DLG2: variants seen among roughly 807,000 people sequenced by gnomAD.
The protein encoded by DLG2 is disks large homolog 2.
Under a neutral mutation model 132.5 loss-of-function variants are expected in DLG2, and 45 were observed. That is an observed-to-expected ratio of 0.34 (90% CI 0.27 to 0.44). The LOEUF (loss-of-function observed/expected upper bound fraction) is 0.44. DLG2 is among the 20% of genes least tolerant of loss of function. DLG2 has a pLI of 1.00. For missense variants in DLG2, 1,045 were observed against 1,196.9 expected, an observed-to-expected ratio of 0.87 and a Z score of 1.87; for synonymous variants, 424 against 419.6, an observed-to-expected ratio of 1.01 and a Z score of -0.13.
chr11:85,084,485 A>G (rs1362620307), intron 6 of DLG2, among the ~76,000 whole-genome samples: 1 of 152,198 alleles, frequency 6.6e-6, no homozygotes, highest in Non-Finnish European at 1.5e-5. Flanking sequence ...GTTATAGTCC[A>G]TTTATCTGAG....
chr11:84,315,557 A>C (rs2098344556), intron 7 of DLG2, among the ~76,000 whole-genome samples: 1 of 152,188 alleles, frequency 6.6e-6, no homozygotes, highest in African/African-American at 2.4e-5. Context: ...ACAACTGTTA[A>C]GACTTTTTAT....
At chr11:84,859,433 T>C (rs11234213) in intron 6 of DLG2, among the ~76,000 whole-genome samples, 2 of 145,204 alleles carry the variant, frequency 1.4e-5, no homozygotes, top group Non-Finnish European at 3.0e-5. Context: ...TATACATATA[T>C]ATGTATATAT....
chr11:84,533,654 G>A (rs17807653), intron 7 of DLG2, among the ~76,000 whole-genome samples: 8,438 of 152,018 alleles, frequency 0.056, 281 homozygotes, highest in South Asian at 0.097. Flanking sequence ...CAGAGAACAC[G>A]GGAGACACTT....
intron 18 of DLG2, among the ~76,000 whole-genome samples, chr11:83,711,934 A>T (rs988500558): frequency 2.0e-5 from 3 of 152,210 alleles, no homozygotes; most frequent in Non-Finnish European, 4.4e-5. Context: ...AACCACAACG[A>T]GATACTATCT....
At chr11:85,249,079 A>G (rs1229505821) in intron 4 of DLG2, among the ~76,000 whole-genome samples, 1 of 152,074 alleles carries the variant, frequency 6.6e-6, no homozygotes, top group African/African-American at 2.4e-5. Context: ...TTTCTTCACT[A>G]CATGTTGAAA....
At chr11:84,109,263 C>T (rs2093186358) in intron 9 of DLG2, among the ~76,000 whole-genome samples, 1 of 152,108 alleles carries the variant, frequency 6.6e-6, no homozygotes, top group African/African-American at 2.4e-5. Flanking sequence ...AAGTTCTAAG[C>T]AAAGTTATCT....
intron 6 of DLG2, among the ~76,000 whole-genome samples, chr11:84,632,392 A>G (rs1036900566): frequency 1.3e-5 from 2 of 152,302 alleles, no homozygotes; most frequent in East Asian, 3.9e-4. Context: ...AATTACTGGA[A>G]ATAAGAATCT....
At chr11:85,003,966 C>T (rs569370148) in intron 6 of DLG2, among the ~76,000 whole-genome samples, 18 of 152,114 alleles carry the variant, frequency 1.2e-4, no homozygotes, top group South Asian at 8.3e-4. Context: ...TGAGAACATG[C>T]GGTATTTGGT....
intron 3 of DLG2, among the ~76,000 whole-genome samples, chr11:85,410,740 C>A (rs1434719730): frequency 2.0e-5 from 3 of 151,932 alleles, no homozygotes; most frequent in South Asian, 2.1e-4. Context: ...ACCAAATAAA[C>A]AAATGAGTAC....
chr11:83,665,998 A>AT (rs1393588268), intron 18 of DLG2, among the ~76,000 whole-genome samples: 6 of 151,328 alleles, frequency 4.0e-5, no homozygotes, highest in Non-Finnish European at 7.4e-5. Flanking sequence ...CTCCCCCATG[A>AT]TTTTTTTTTA....
chr11:84,729,875 T>A (rs2062950317), intron 6 of DLG2, among the ~76,000 whole-genome samples: 1 of 151,952 alleles, frequency 6.6e-6, no homozygotes, highest in Non-Finnish European at 1.5e-5. Flanking sequence ...ACCTCCTAGG[T>A]AGAAGGAGTA....
intron 7 of DLG2, among the ~76,000 whole-genome samples, chr11:84,378,489 C>A (rs1326260393): frequency 6.6e-6 from 1 of 151,916 alleles, no homozygotes; most frequent in Non-Finnish European, 1.5e-5. Flanking sequence ...ACTAATATAA[C>A]CAGAAAAAAG....
intron 6 of DLG2, among the ~76,000 whole-genome samples, chr11:84,649,094 C>T (rs1027516522): frequency 1.3e-5 from 2 of 152,130 alleles, no homozygotes; most frequent in African/African-American, 4.8e-5. Context: ...CTTCCAAGTA[C>T]TTAAGCTATA....
intron 3 of DLG2, among the ~76,000 whole-genome samples, chr11:85,568,869 T>C (rs1268851276): frequency 6.6e-6 from 1 of 152,190 alleles, no homozygotes; most frequent in Non-Finnish European, 1.5e-5. Flanking sequence ...TTCGGTTTCA[T>C]TGATTCTCTC....
intron 7 of DLG2, among the ~76,000 whole-genome samples, chr11:84,524,703 G>A (rs539373309): frequency 6.6e-6 from 1 of 152,018 alleles, no homozygotes; most frequent in Non-Finnish European, 1.5e-5. Flanking sequence ...AAAGATTATT[G>A]CCTAAAATAT....
chr11:84,770,658 T>TTTTTA (rs2069184256), intron 6 of DLG2, among the ~76,000 whole-genome samples: 1 of 151,434 alleles, frequency 6.6e-6, no homozygotes, highest in Non-Finnish European at 1.5e-5. Context: ...TTTTTTTTTT[T>TTTTTA]GAGACGGAGT....
At chr11:84,750,404 C>G (rs1182327880) in intron 6 of DLG2, among the ~76,000 whole-genome samples, 2 of 152,140 alleles carry the variant, frequency 1.3e-5, no homozygotes, top group African/African-American at 4.8e-5. Flanking sequence ...CGGAGTCTGA[C>G]TCTAGATACC....
chr11:83,741,640 G>C (rs1035785511), intron 18 of DLG2, among the ~76,000 whole-genome samples: 36 of 152,148 alleles, frequency 2.4e-4, no homozygotes, highest in African/African-American at 8.4e-4. Flanking sequence ...AAACATCTCT[G>C]AAAGAAATCA....
At chr11:84,553,220 C>T (rs1462151973) in intron 6 of DLG2, among the ~76,000 whole-genome samples, 3 of 152,160 alleles carry the variant, frequency 2.0e-5, no homozygotes, top group East Asian at 3.9e-4. Flanking sequence ...ATTGTTCTTA[C>T]AATAAAATTG....
Sources: allele counts gnomAD v4.1 joint callset (sites outside exome capture counted in the v4.1 genomes callset), GRCh38; gene constraint gnomAD v4.1.1; transcripts MANE v1.5; gene names NCBI Gene and HGNC (gene_info 2026-07-23, HGNC 2026-07-21).